EPHA5: variants seen among roughly 807,000 people sequenced by gnomAD.
EPHA5 encodes the protein EPH receptor A5.
Under a neutral mutation model 105.0 loss-of-function variants are expected in EPHA5, and 60 were observed. That is an observed-to-expected ratio of 0.57 (90% confidence interval 0.46 to 0.71). The LOEUF (loss-of-function observed/expected upper bound fraction) is 0.71. Among genes scored for constraint, EPHA5 ranks in the 30% least tolerant of loss-of-function variants. EPHA5 has a pLI of 0.00. For missense variants in EPHA5, 1,218 were observed against 1,274.7 expected (o/e 0.96, Z 0.68); for synonymous variants, 513 against 449.1 (o/e 1.14, Z -1.80).
chr4:65,634,753 T>TA (rs1276405126), intron 2 of EPHA5, among the ~76,000 whole-genome samples: 1 of 152,040 alleles, frequency 6.6e-6, no homozygotes, highest in Admixed American at 6.6e-5. Context: ...CTCTTTTTTT[T>TA]ACCCACTTCA....
intron 5 of EPHA5, among the ~76,000 whole-genome samples, chr4:65,477,864 A>G (rs913409008): frequency 1.3e-5 from 2 of 152,188 alleles, no homozygotes; most frequent in African/African-American, 2.4e-5. Flanking sequence ...CATGTCTCTG[A>G]CATCACTATA....
At chr4:65,620,008 A>T (rs1289841612) in intron 2 of EPHA5, among the ~76,000 whole-genome samples, 1 of 150,536 alleles carries the variant, frequency 6.6e-6, no homozygotes, top group Admixed American at 6.6e-5. Flanking sequence ...CACTAGTTTA[A>T]TCATCAATAG....
chr4:65,421,448 A>G (rs951405771), intron 5 of EPHA5, among the ~76,000 whole-genome samples: 5 of 152,150 alleles, frequency 3.3e-5, no homozygotes, highest in Admixed American at 6.6e-5. Context: ...GTTAAGTAAG[A>G]CAATGAAGTT....
intron 8 of EPHA5, among the ~76,000 whole-genome samples, chr4:65,367,689 T>C (rs533925867): frequency 6.6e-6 from 1 of 152,068 alleles, no homozygotes; most frequent in South Asian, 2.1e-4. Flanking sequence ...CACCAAATAC[T>C]GTATACCAGA....
chr4:65,427,435 C>A (rs1454956020), intron 5 of EPHA5, among the ~76,000 whole-genome samples: 1 of 152,040 alleles, frequency 6.6e-6, no homozygotes, highest in African/African-American at 2.4e-5. Flanking sequence ...CCTACCTCGG[C>A]CACCCAAAGT....
rs1721142519 is a variant in EPHA5, at chr4:65,336,013, T to A, written c.2708A>T (p.Lys903Met). The change falls in exon 15 of 17, where the codon AAG becomes ATG. Residue 903 changes from lysine (K) to methionine (M), a missense_variant. Coordinates refer to ENST00000613740, the MANE Select transcript of EPHA5 (RefSeq NM_001281766.3). The part of the protein sequence containing the change: ...CWQKERNSRP[K>M]FDEIVNMLDK... ...CAACATGTTGACTATTTCATCAAAC[T>A]TGGGCCTGCTATTTCGCTCTTTCTG... 1.9e-6 allele frequency: 3 copies of A among 1,613,374 alleles called. No individual in the cohort carries two copies. The highest frequency in any genetic ancestry group is 1.7e-6 in the Non-Finnish European group (2 of 1,179,612).
At chr4:65,377,647 T>C (rs1719143177) in intron 8 of EPHA5, among the ~76,000 whole-genome samples, 1 of 151,926 alleles carries the variant, frequency 6.6e-6, no homozygotes, top group Non-Finnish European at 1.5e-5. Flanking sequence ...TCTCCAAATA[T>C]ATATTTTCAG....
rs1383215765 is a variant in EPHA5 at position 65,643,892 on chromosome 4, T to A, written c.182-465A>T. Reference sequence around the variant, plus strand: ...TAATTTACATTAAACAGCAATAAACTATTCCCAAGATTGTAACATTTTTTG... The same window carrying A: ...TAATTTACATTAAACAGCAATAAACAATTCCCAAGATTGTAACATTTTTTG... On this transcript the variant is annotated intron_variant, in intron 1 of 16. Coordinates refer to ENST00000613740, the MANE Select transcript of EPHA5 (RefSeq NM_001281766.3). Among the ~76,000 whole-genome samples, 4 of 152,050 alleles carry A rather than the reference T, an allele frequency of 2.6e-5. No individual in the cohort carries two copies. The East Asian group carries it at 7.7e-4, about 29-fold the overall frequency.
intron 5 of EPHA5, among the ~76,000 whole-genome samples, chr4:65,486,032 GAA>G (rs892562951): frequency 6.6e-6 from 1 of 152,070 alleles, no homozygotes; most frequent in African/African-American, 2.4e-5. Context: ...CACCAGAAAA[GAA>G]AAGAGAAGAG....
intron 8 of EPHA5, among the ~76,000 whole-genome samples, chr4:65,402,619 C>T (rs1176320974): frequency 1.3e-5 from 2 of 152,132 alleles, no homozygotes; most frequent in East Asian, 1.9e-4. Flanking sequence ...CCTAAGTGCA[C>T]ACACAACAAA....
intron 5 of EPHA5, among the ~76,000 whole-genome samples, chr4:65,453,977 G>A (rs1727319396): frequency 1.3e-5 from 2 of 151,754 alleles, no homozygotes; most frequent in African/African-American, 4.8e-5. Flanking sequence ...CGGATTTGCT[G>A]CCACTAATAA....
intron 3 of EPHA5, among the ~76,000 whole-genome samples, chr4:65,514,975 G>A (rs538132808): frequency 6.6e-5 from 10 of 151,802 alleles, no homozygotes; most frequent in Non-Finnish European, 7.4e-5. Flanking sequence ...CAAATCAAAC[G>A]TTGTGATTAT....
At chr4:65,422,268 G>C (rs957369587) in intron 5 of EPHA5, among the ~76,000 whole-genome samples, 1 of 152,068 alleles carries the variant, frequency 6.6e-6, no homozygotes, top group African/African-American at 2.4e-5. Context: ...GCTGATGAAA[G>C]TGGGGATGCT....
At chr4:65,646,109 C>T (rs1419321444) in intron 1 of EPHA5, among the ~76,000 whole-genome samples, 1 of 152,110 alleles carries the variant, frequency 6.6e-6, no homozygotes, top group African/African-American at 2.4e-5. Context: ...TTCTGAATTG[C>T]TAACGTTTCC....
In EPHA5 at chr4:65,614,795, T is replaced by C. The variant is rs540573054; in HGVS notation, c.247-12491A>G. Among the ~76,000 whole-genome samples, 54 of 151,950 alleles carry C rather than the reference T, an allele frequency of 3.6e-4. 1 individual carries two copies. The highest frequency in any genetic ancestry group is 7.9e-4 in the Admixed American group (12 of 15,252). Reference sequence around the variant, plus strand: ...GCTTTGGGAAGTGTTTGGAAATATATGGTGCATTTAAAAGTGTTTTAAACC... The same window carrying C: ...GCTTTGGGAAGTGTTTGGAAATATACGGTGCATTTAAAAGTGTTTTAAACC... On this transcript the variant is annotated intron_variant, in intron 2 of 16. Coordinates refer to ENST00000613740, the MANE Select transcript of EPHA5 (RefSeq NM_001281766.3).
chr4:65,448,694 T>TA (rs911250796), intron 5 of EPHA5, among the ~76,000 whole-genome samples: 1 of 152,012 alleles, frequency 6.6e-6, no homozygotes, highest in African/African-American at 2.4e-5. Context: ...ACTTTGTACT[T>TA]ACAGTTATTT....
chr4:65,351,437 T>G lies in EPHA5; in HGVS notation c.2397A>C (p.Gly799=). Reference sequence around the variant, plus strand: ...GATCATCTTCCAGTACCCGGGAAAGTCCAAAGTCAGACACTTTGCACACAA... The same window carrying G: ...GATCATCTTCCAGTACCCGGGAAAGGCCAAAGTCAGACACTTTGCACACAA... ...SNLVCKVSDF[G]LSRVLEDDPE... is the part of the protein sequence containing the mutation. Residue 799 remains glycine, a synonymous_variant, in exon 13 of 17, where the codon GGA becomes GGC. Coordinates refer to ENST00000613740, the MANE Select transcript of EPHA5 (RefSeq NM_001281766.3). The G allele has an allele frequency of 6.2e-7, 1 of 1,613,784 alleles. No homozygotes were observed. Among genetic ancestry groups the G allele is most frequent in the Non-Finnish European group, 8.5e-7 (1 of 1,179,814 alleles).
intron 5 of EPHA5, among the ~76,000 whole-genome samples, chr4:65,474,850 A>T (rs28610200): frequency 0.15 from 23,457 of 152,188 alleles, 2,102 homozygotes; most frequent in East Asian, 0.23. Context: ...TCATTTAACA[A>T]TAGGTCTTCA....
intron 2 of EPHA5, among the ~76,000 whole-genome samples, chr4:65,605,177 T>C (rs1578556125): frequency 6.6e-6 from 1 of 152,172 alleles, no homozygotes. Flanking sequence ...TTACTCCTTT[T>C]CCCTCAGGGC....
Sources: allele counts gnomAD v4.1 joint callset (sites outside exome capture counted in the v4.1 genomes callset), GRCh38; gene constraint gnomAD v4.1.1; transcripts MANE v1.5; gene names NCBI Gene and HGNC (gene_info 2026-07-23, HGNC 2026-07-21).